Variants in DRC11 observed in about 807,000 individuals in gnomAD.
DRC11 encodes the protein dynein regulatory complex subunit 11.
the DRC11 span, among the ~76,000 whole-genome samples, chr2:236,313,866 A>G: frequency 2.0e-5 from 3 of 152,212 alleles, no homozygotes; most frequent in Non-Finnish European, 2.9e-5. The surrounding 1 kb of genome is among the most constrained non-coding windows in gnomAD (Gnocchi z 4.5). Flanking sequence ...ATGCAATTTT[A>G]GAAATGGAGG....
the DRC11 span, chr2:236,497,254 C>A: frequency 1.9e-6 from 3 of 1,613,282 alleles, no homozygotes; most frequent in South Asian, 1.1e-5. The surrounding 1 kb of genome is among the most constrained non-coding windows in gnomAD (Gnocchi z 5.1). Flanking sequence ...CTCCAGGATG[C>A]GGCCCATCAC....
chr2:236,409,331 G>C, the DRC11 span, among the ~76,000 whole-genome samples: 2 of 152,106 alleles, frequency 1.3e-5, no homozygotes, highest in African/African-American at 2.4e-5. Context: ...CACATCCCTT[G>C]TAAGTTGGAT....
At chr2:236,444,947 A>G in the DRC11 span, among the ~76,000 whole-genome samples, 2 of 152,212 alleles carry the variant, frequency 1.3e-5, no homozygotes, top group Non-Finnish European at 2.9e-5. Context: ...GTGCCTGTCC[A>G]CAAGACTCAT....
the DRC11 span, among the ~76,000 whole-genome samples, chr2:236,489,469 G>A: frequency 6.6e-6 from 1 of 152,146 alleles, no homozygotes; most frequent in African/African-American, 2.4e-5. Flanking sequence ...GTGGGCTCCG[G>A]GTGCAGCTGA....
the DRC11 span, among the ~76,000 whole-genome samples, chr2:236,458,536 A>C: frequency 8.4e-3 from 1,273 of 152,324 alleles, 26 homozygotes; most frequent in African/African-American, 0.029. Flanking sequence ...ATGTACATAT[A>C]AAATGCATAA....
At chr2:236,461,480 A>C in the DRC11 span, among the ~76,000 whole-genome samples, 1 of 152,248 alleles carries the variant, frequency 6.6e-6, no homozygotes, top group Non-Finnish European at 1.5e-5. The surrounding 1 kb of genome is among the most constrained non-coding windows in gnomAD (Gnocchi z 4.0). Context: ...CAATTATGTA[A>C]TTGAATAAGA....
At chr2:236,369,858 G>A in the DRC11 span, among the ~76,000 whole-genome samples, 1 of 152,196 alleles carries the variant, frequency 6.6e-6, no homozygotes, top group African/African-American at 2.4e-5. This position sits in a 1 kb window ranked among gnomAD's most constrained non-coding sequence, Gnocchi z 4.5. Context: ...CCACAGGGGA[G>A]GGAAGAAGAA....
the DRC11 span, among the ~76,000 whole-genome samples, chr2:236,469,214 T>G: frequency 6.6e-6 from 1 of 152,210 alleles, no homozygotes; most frequent in Non-Finnish European, 1.5e-5. This position sits in a 1 kb window ranked among gnomAD's most constrained non-coding sequence, Gnocchi z 5.8. Flanking sequence ...TATTTATTTA[T>G]TTAGTTTTTG....
chr2:236,356,581 A>G, the DRC11 span, among the ~76,000 whole-genome samples: 191 of 152,136 alleles, frequency 1.3e-3, no homozygotes, highest in Non-Finnish European at 2.1e-3. Flanking sequence ...GACATTCAGC[A>G]CTCTGAGTGT....
At chr2:236,396,625 C>T in the DRC11 span, among the ~76,000 whole-genome samples, 68 of 152,230 alleles carry the variant, frequency 4.5e-4, no homozygotes, top group African/African-American at 1.5e-3. Flanking sequence ...TTCTCTAATG[C>T]TTAACGTTTG....
chr2:236,461,282 G>T, the DRC11 span, among the ~76,000 whole-genome samples: 1 of 152,020 alleles, frequency 6.6e-6, no homozygotes, highest in African/African-American at 2.4e-5. The surrounding 1 kb of genome is among the most constrained non-coding windows in gnomAD (Gnocchi z 4.0). Context: ...GGAAAGTTTC[G>T]GATAAGGGAA....
chr2:236,376,067 G>A, the DRC11 span, among the ~76,000 whole-genome samples: 5 of 152,176 alleles, frequency 3.3e-5, no homozygotes, highest in African/African-American at 1.2e-4. This position sits in a 1 kb window ranked among gnomAD's most constrained non-coding sequence, Gnocchi z 5.7. Context: ...CTAAGCCACA[G>A]GATTAAACTT....
the DRC11 span, among the ~76,000 whole-genome samples, chr2:236,339,029 C>A: frequency 1.3e-5 from 2 of 152,164 alleles, no homozygotes; most frequent in African/African-American, 2.4e-5. Flanking sequence ...TGCAAACGAA[C>A]CTCGCCCCCA....
the DRC11 span, among the ~76,000 whole-genome samples, chr2:236,459,632 T>TATACGTATATACGTATATACGTATATAC: frequency 3.6e-5 from 5 of 139,590 alleles, no homozygotes; most frequent in African/African-American, 1.1e-4. Context: ...TACATACGTA[T>TATACGTATATACGTATATACGTATATAC]ATACGTATAT....
the DRC11 span, among the ~76,000 whole-genome samples, chr2:236,347,592 T>C: frequency 8.7e-5 from 13 of 149,710 alleles, no homozygotes; most frequent in East Asian, 3.9e-4. Flanking sequence ...CTGGATGAGA[T>C]TGGAGACTAT....
At chr2:236,333,682 C>T in the DRC11 span, among the ~76,000 whole-genome samples, 285 of 152,300 alleles carry the variant, frequency 1.9e-3, 1 homozygote, top group South Asian at 3.7e-3. The surrounding 1 kb of genome is among the most constrained non-coding windows in gnomAD (Gnocchi z 6.0). Context: ...GCCACGTGCT[C>T]ACTGGCAACC....
chr2:236,386,253 G>T, the DRC11 span, among the ~76,000 whole-genome samples: 1 of 151,314 alleles, frequency 6.6e-6, no homozygotes, highest in Non-Finnish European at 1.5e-5. Flanking sequence ...GCTCCTCCTT[G>T]TACCTCTGGT....
the DRC11 span, among the ~76,000 whole-genome samples, chr2:236,322,886 T>C: frequency 2.0e-5 from 3 of 152,222 alleles, no homozygotes; most frequent in Admixed American, 6.5e-5. Context: ...GGTAGCTTAG[T>C]GTGACTATGG....
the DRC11 span, chr2:236,324,667 T>G: frequency 7.2e-7 from 1 of 1,388,380 alleles, no homozygotes; most frequent in Non-Finnish European, 1.0e-6. This position sits in a 1 kb window ranked among gnomAD's most constrained non-coding sequence, Gnocchi z 5.7. Context: ...ACTTTTTCTT[T>G]TTTGCCTTTT....
Sources: allele counts gnomAD v4.1 joint callset (sites outside exome capture counted in the v4.1 genomes callset), GRCh38; gene constraint gnomAD v4.1.1; non-coding constraint Gnocchi (gnomAD v3.1); transcripts MANE v1.5; gene names NCBI Gene and HGNC (gene_info 2026-07-23, HGNC 2026-07-21).